Variants in PTPRG observed in about 807,000 individuals in gnomAD.
PTPRG encodes the protein receptor-type tyrosine-protein phosphatase gamma.
In PTPRG, 102 loss-of-function variants were observed where a neutral mutation model predicts 165.3. That is an observed-to-expected ratio of 0.62 (90% confidence interval 0.53 to 0.73). PTPRG has a LOEUF of 0.73. Among genes scored for constraint, PTPRG ranks in the 30% least tolerant of loss-of-function variants. The probability of loss-of-function intolerance (pLI) is 0.00; values close to 1 mark genes in which losing one functional copy is unlikely to be tolerated. For missense variants in PTPRG, 1,866 were observed against 1,861.4 expected (o/e 1.00, Z -0.05); for synonymous variants, 675 against 669.5 (o/e 1.01, Z -0.13).
intron 1 of PTPRG, among the ~76,000 whole-genome samples, chr3:61,707,037 A>C (rs1454992932): frequency 1.3e-5 from 2 of 152,140 alleles, no homozygotes; most frequent in Admixed American, 6.6e-5. Flanking sequence ...AATATCTCTT[A>C]GAAGTCTATA....
chr3:62,018,937 A>G (rs1041636790), intron 4 of PTPRG, among the ~76,000 whole-genome samples: 1 of 152,178 alleles, frequency 6.6e-6, no homozygotes, highest in Admixed American at 6.5e-5. Context: ...TGGTGTGCAA[A>G]TAGAGTGCAA....
chr3:61,735,123 A>G (rs1053912581), intron 1 of PTPRG, among the ~76,000 whole-genome samples: 2 of 152,202 alleles, frequency 1.3e-5, no homozygotes, highest in African/African-American at 4.8e-5. Context: ...TTCCTCATAT[A>G]ATTAATTTAA....
At chr3:61,668,385 T>C (rs1702868274) in intron 1 of PTPRG, among the ~76,000 whole-genome samples, 1 of 152,170 alleles carries the variant, frequency 6.6e-6, no homozygotes, top group Non-Finnish European at 1.5e-5. Context: ...CTCTCTATAG[T>C]ACTCTAGAAA....
chr3:62,142,972 A>T (rs1225046581), intron 6 of PTPRG, among the ~76,000 whole-genome samples: 1 of 152,140 alleles, frequency 6.6e-6, no homozygotes, highest in African/African-American at 2.4e-5. Context: ...AGGCGGGGCG[A>T]CTTGCCCCAG....
At position 61,662,396 on chromosome 3, in the gene PTPRG, A is replaced by C. The variant is rs376902936; in HGVS notation, c.86-86482A>C. Among the ~76,000 whole-genome samples, 14 of 152,322 alleles carry C rather than the reference A, an allele frequency of 9.2e-5. No individual in the cohort carries two copies. The South Asian group carries it at 2.1e-3, about 23-fold the overall frequency. ...GAGGCCTCCCACTGATAGCCATATA[A>C]GTAAGCCTGGAAGTGGATCCTCTAT... On this transcript the variant is annotated intron_variant, in intron 1 of 29. Coordinates refer to ENST00000474889, the MANE Select transcript of PTPRG (RefSeq NM_002841.4).
intron 1 of PTPRG, among the ~76,000 whole-genome samples, chr3:61,593,241 C>A (rs2106827129): frequency 6.6e-6 from 1 of 152,258 alleles, no homozygotes; most frequent in Non-Finnish European, 1.5e-5. Context: ...ACACACTGGG[C>A]ACCTCCATCT....
At chr3:61,797,527 G>T (rs538401672) in intron 2 of PTPRG, among the ~76,000 whole-genome samples, 3 of 152,232 alleles carry the variant, frequency 2.0e-5, no homozygotes, top group Admixed American at 6.5e-5. Flanking sequence ...GAACAGGGAG[G>T]CTGGGTTCTT....
chr3:61,598,097 G>A lies in PTPRG; in HGVS notation c.85+35725G>A, dbSNP rs11721138. On this transcript the variant is annotated intron_variant, in intron 1 of 29. Coordinates refer to ENST00000474889, the MANE Select transcript of PTPRG (RefSeq NM_002841.4). ...CGGCTACCTCTGTTCAGGGTTGACCGGTCTCAGTGGTAACAAGCTAAAAGT... is the reference window on the plus strand; with the variant it reads ...CGGCTACCTCTGTTCAGGGTTGACCAGTCTCAGTGGTAACAAGCTAAAAGT... Among the ~76,000 whole-genome samples, 15 of 152,212 alleles carry A rather than the reference G, an allele frequency of 9.9e-5. No homozygotes were observed. In the East Asian group the frequency reaches 1.9e-3, roughly 20 times the overall value.
chr3:61,959,447 C>G (rs901318596), intron 2 of PTPRG, among the ~76,000 whole-genome samples: 1 of 152,180 alleles, frequency 6.6e-6, no homozygotes, highest in Non-Finnish European at 1.5e-5. Context: ...CACGTGCAAC[C>G]TGGATCCCTT....
intron 5 of PTPRG, among the ~76,000 whole-genome samples, chr3:62,093,515 T>C (rs1314419033): frequency 1.3e-5 from 2 of 152,206 alleles, no homozygotes; most frequent in African/African-American, 2.4e-5. Context: ...TCCCACCTCA[T>C]TGGCACCAAA....
At chr3:61,600,186 A>ATGTGTGTGTGTGTGTG (rs1189934671) in intron 1 of PTPRG, among the ~76,000 whole-genome samples, 1,261 of 115,838 alleles carry the variant, frequency 0.011, 9 homozygotes, top group Non-Finnish European at 0.015. Context: ...ATATATATAT[A>ATGTGTGTGTGTGTGTG]TATATATGTG....
intron 1 of PTPRG, among the ~76,000 whole-genome samples, chr3:61,581,349 G>A (rs116762363): frequency 6.6e-6 from 1 of 152,192 alleles, no homozygotes; most frequent in African/African-American, 2.4e-5. Context: ...TAAGAAGGAA[G>A]GTCAAATCAG....
intron 1 of PTPRG, among the ~76,000 whole-genome samples, chr3:61,661,295 A>ATCTT (rs981784311): frequency 1.4e-5 from 2 of 146,164 alleles, no homozygotes; most frequent in African/African-American, 5.1e-5. Context: ...TTACTCTGTC[A>ATCTT]TCTTACTATT....
At chr3:61,845,999 G>A (rs1384205977) in intron 2 of PTPRG, among the ~76,000 whole-genome samples, 2 of 152,132 alleles carry the variant, frequency 1.3e-5, no homozygotes, top group East Asian at 3.9e-4. Context: ...GTGAATTTGG[G>A]TTCCAGATGT....
At chr3:61,707,568 C>T (rs2031327125) in intron 1 of PTPRG, among the ~76,000 whole-genome samples, 1 of 152,208 alleles carries the variant, frequency 6.6e-6, no homozygotes, top group Non-Finnish European at 1.5e-5. Flanking sequence ...ACTTTGTATT[C>T]TGTTCAGGCC....
intron 8 of PTPRG, among the ~76,000 whole-genome samples, chr3:62,186,601 C>T (rs1427593460): frequency 2.4e-5 from 3 of 122,680 alleles, no homozygotes; most frequent in African/African-American, 6.8e-5. Flanking sequence ...GGGTCTTACT[C>T]GGTCACCCAG....
intron 3 of PTPRG, 119 bp downstream of exon 3, chr3:61,989,923 A>T (rs2040845336): frequency 3.7e-6 from 4 of 1,071,806 alleles, no homozygotes; most frequent in Middle Eastern, 3.1e-4. Flanking sequence ...GGGGAGCCTA[A>T]ATCAGTCCTT....
At chr3:62,251,631 C>A (rs1701421311) in intron 15 of PTPRG, among the ~76,000 whole-genome samples, 2 of 151,752 alleles carry the variant, frequency 1.3e-5, no homozygotes, top group Non-Finnish European at 2.9e-5. Context: ...CACAGTGAGA[C>A]CATGTCTCAA....
intron 2 of PTPRG, among the ~76,000 whole-genome samples, chr3:61,818,212 G>T (rs895758536): frequency 6.6e-6 from 1 of 152,024 alleles, no homozygotes; most frequent in African/African-American, 2.4e-5. Context: ...AAGGAAATAC[G>T]GAGCAGCACT....
Sources: allele counts gnomAD v4.1 joint callset (sites outside exome capture counted in the v4.1 genomes callset), GRCh38; gene constraint gnomAD v4.1.1; transcripts MANE v1.5; gene names NCBI Gene and HGNC (gene_info 2026-07-23, HGNC 2026-07-21).